Variants in MSTO1 observed in about 807,000 individuals in gnomAD.
MSTO1 encodes misato mitochondrial distribution and morphology regulator 1.
MSTO1 carries 24 observed loss-of-function variants against 55.7 expected under a neutral mutation model. The ratio of observed to expected loss-of-function variants is 0.43; its 90% CI spans 0.31 to 0.61. The LOEUF is 0.61. Among genes scored for constraint, MSTO1 ranks in the 20% least tolerant of loss-of-function variants. The pLI is 0.09. For missense variants in MSTO1, 363 were observed against 625.7 expected, an observed-to-expected ratio of 0.58 and a Z score of 4.48; for synonymous variants, 162 against 252.8, an observed-to-expected ratio of 0.64 and a Z score of 3.41.
the MSTO1 span, among the ~76,000 whole-genome samples, chr1:155,592,792 T>C: frequency 0.61 from 93,234 of 152,020 alleles, 30,480 homozygotes; most frequent in Middle Eastern, 0.74. Context: ...TGACCTCAAG[T>C]GATCCACCCG....
chr1:155,563,283 C>A, the MSTO1 span: 2 of 455,998 alleles, frequency 4.4e-6, no homozygotes, highest in African/African-American at 2.0e-5. Flanking sequence ...TGGTCGCAGG[C>A]GGTGTGTGCC....
the MSTO1 span, among the ~76,000 whole-genome samples, chr1:155,601,918 C>T: frequency 6.6e-6 from 1 of 152,024 alleles, no homozygotes; most frequent in Admixed American, 6.6e-5. Flanking sequence ...CTATGCCCAG[C>T]TAATTTTTTG....
chr1:155,603,837 G>A, the MSTO1 span, among the ~76,000 whole-genome samples: 1 of 152,082 alleles, frequency 6.6e-6, no homozygotes, highest in Admixed American at 6.5e-5. Flanking sequence ...CAGTCTGGGT[G>A]ACAGAGCGAG....
chr1:155,604,840 A>G, the MSTO1 span, among the ~76,000 whole-genome samples: 1 of 152,166 alleles, frequency 6.6e-6, no homozygotes, highest in Non-Finnish European at 1.5e-5. Flanking sequence ...GTGCCACTGC[A>G]CTCCGGCTTG....
the MSTO1 span, among the ~76,000 whole-genome samples, chr1:155,596,397 C>G: frequency 2.0e-5 from 3 of 152,202 alleles, no homozygotes; most frequent in Non-Finnish European, 2.9e-5. Flanking sequence ...ACCCCTACAT[C>G]TACGGTTTAC....
At position 155,612,118 on chromosome 1, in the gene MSTO1, T is replaced by C. The variant is rs1374891464; in HGVS notation, c.678+18T>C. 6.2e-7 allele frequency: 1 copy of C among 1,612,972 alleles called. No individual in the cohort carries two copies. The highest frequency in any genetic ancestry group is 8.5e-7 in the Non-Finnish European group (1 of 1,179,758). On this transcript the variant is annotated intron_variant, in intron 7 of 13. Transcript: ENST00000245564. ...ACTTGCAGGTAGTGGCGTGGCAATG[T>C]GCACTCCAGGGTGGAAGCTCTTCTC...
At chr1:155,584,606 G>A in the MSTO1 span, among the ~76,000 whole-genome samples, 1 of 133,822 alleles carries the variant, frequency 7.5e-6, no homozygotes, top group Non-Finnish European at 1.5e-5. Context: ...AAAAGTTCAA[G>A]GCTGCAGTGA....
chr1:155,599,185 A>G, the MSTO1 span, among the ~76,000 whole-genome samples: 2 of 146,358 alleles, frequency 1.4e-5, no homozygotes, highest in African/African-American at 2.5e-5. Context: ...CTCAGAAAAG[A>G]AAAAAAAAAA....
At chr1:155,570,857 C>T in the MSTO1 span, among the ~76,000 whole-genome samples, 12 of 152,138 alleles carry the variant, frequency 7.9e-5, no homozygotes, top group East Asian at 3.9e-4. Flanking sequence ...TGGGATCTCC[C>T]GAGGATAAGG....
the MSTO1 span, chr1:155,563,291 G>T: frequency 8.8e-6 from 4 of 456,074 alleles, no homozygotes; most frequent in Non-Finnish European, 1.8e-5. Context: ...GGCGGTGTGT[G>T]CCGGTCGCCT....
chr1:155,578,440 G>A, the MSTO1 span, among the ~76,000 whole-genome samples: 1 of 129,974 alleles, frequency 7.7e-6, no homozygotes, highest in Non-Finnish European at 1.6e-5. Flanking sequence ...CCAGGTTCAC[G>A]TGATTCTTGT....
rs773630279 is a variant in MSTO1, at chr1:155,613,246, G to C, written c.1283+13G>C. The C allele has an allele frequency of 1.2e-6, 2 of 1,608,728 alleles. No individual in the cohort carries two copies. The highest frequency in any genetic ancestry group is 8.5e-7 in the Non-Finnish European group (1 of 1,176,398). The stretch of plus-strand genomic sequence containing the variant: ...CATGCCACACAAGGTGAGAGCTGTT[G>C]GTCCTTAGGAGTCCTTGTCAGATTT... On this transcript the variant is annotated intron_variant, in intron 11 of 13. Coordinates refer to ENST00000245564, the MANE Select transcript of MSTO1 (RefSeq NM_018116.4).
the MSTO1 span, among the ~76,000 whole-genome samples, chr1:155,583,022 T>C: frequency 6.6e-6 from 1 of 150,610 alleles, no homozygotes; most frequent in Admixed American, 6.7e-5. Context: ...CAGACCACCA[T>C]GCCTGGCAAA....
chr1:155,572,496 G>C, the MSTO1 span, among the ~76,000 whole-genome samples: 1 of 151,944 alleles, frequency 6.6e-6, no homozygotes, highest in African/African-American at 2.4e-5. Context: ...GGTGGATCAC[G>C]AAGTCAGGAG....
chr1:155,573,564 G>A, the MSTO1 span, among the ~76,000 whole-genome samples: 10 of 151,634 alleles, frequency 6.6e-5, no homozygotes, highest in African/African-American at 1.7e-4. Flanking sequence ...CTGACCAGGC[G>A]CAGTGGCTCA....
upstream of MSTO1, among the ~76,000 whole-genome samples, chr1:155,606,337 G>A (rs1173236053): frequency 6.7e-6 from 1 of 149,536 alleles, no homozygotes; most frequent in Non-Finnish European, 1.5e-5. Flanking sequence ...GGGGATTACA[G>A]GTGAGAACCA....
the MSTO1 span, among the ~76,000 whole-genome samples, chr1:155,565,157 C>A: frequency 6.6e-6 from 1 of 150,910 alleles, no homozygotes; most frequent in East Asian, 1.9e-4. Context: ...ATCAGGTGGG[C>A]ATGGTGGAGC....
the MSTO1 span, among the ~76,000 whole-genome samples, chr1:155,573,811 C>G: frequency 6.9e-6 from 1 of 144,824 alleles, no homozygotes; most frequent in South Asian, 2.2e-4. Flanking sequence ...GCACTCCAGC[C>G]TGGGTGACAA....
chr1:155,589,122 AC>A, the MSTO1 span, among the ~76,000 whole-genome samples: 2 of 152,058 alleles, frequency 1.3e-5, no homozygotes, highest in Non-Finnish European at 2.9e-5. Flanking sequence ...ACATAGTGAA[AC>A]CCCGTCTCTA....
Sources: allele counts gnomAD v4.1 joint callset (sites outside exome capture counted in the v4.1 genomes callset), GRCh38; gene constraint gnomAD v4.1.1; transcripts MANE v1.5; gene names NCBI Gene and HGNC (gene_info 2026-07-23, HGNC 2026-07-21).